Variants in CCDC158 observed in about 807,000 individuals in gnomAD.
CCDC158 encodes the protein coiled-coil domain containing 158.
A neutral mutation model predicts 138.6 loss-of-function variants in CCDC158; 116 were observed. The ratio of observed to expected loss-of-function variants is 0.84; its 90% CI spans 0.72 to 0.98. The LOEUF is 0.98. Ranked by LOEUF, CCDC158 falls within the 50% of genes least tolerant of loss-of-function variation. The pLI is 0.00. For synonymous variants in CCDC158, 436 were observed against 442.4 expected (o/e 0.99, Z 0.18); for missense variants, 1,265 against 1,306.1 (o/e 0.97, Z 0.48).
At chr4:76,361,868 C>T (rs1468284419) in intron 13 of CCDC158, among the ~76,000 whole-genome samples, 1 of 152,202 alleles carries the variant, frequency 6.6e-6, no homozygotes, top group African/African-American at 2.4e-5. Context: ...GGACACCTCA[C>T]ACTTCTCTTA....
chr4:76,322,195 T>C (rs1413159545), intron 24 of CCDC158, among the ~76,000 whole-genome samples: 1 of 152,088 alleles, frequency 6.6e-6, no homozygotes, highest in Admixed American at 6.5e-5. Flanking sequence ...TAAAACCAAA[T>C]GCTTTTCCTA....
At chr4:76,318,969 A>T (rs548055097) in intron 24 of CCDC158, among the ~76,000 whole-genome samples, 1 of 152,192 alleles carries the variant, frequency 6.6e-6, no homozygotes, top group East Asian at 1.9e-4. Context: ...CACTACTAAG[A>T]ATACAAAAAT....
intron 18 of CCDC158, among the ~76,000 whole-genome samples, chr4:76,334,625 C>T (rs1419057365): frequency 5.9e-5 from 9 of 152,150 alleles, no homozygotes; most frequent in Non-Finnish European, 1.2e-4. Flanking sequence ...AGGAAAGAAA[C>T]ATCCAATATT....
chr4:76,379,349 A>T lies in CCDC158; in HGVS notation c.970T>A (p.Ser324Thr). The change falls in exon 9 of 25, where the codon TCT becomes ACT. Residue 324 changes from serine (S) to threonine (T), a missense_variant. Physicochemically the swap from Ser to Thr is moderately conservative, Grantham distance 58. Transcript: ENST00000682701. ...TCAGAACGTAGCTGAGAAACAGTAG[A>T]TTCCAGATCGCTGAGCTGACGCATA... ...MYMRQLSDLE[S>T]TVSQLRSELR... 1 of 1,610,912 alleles carries T rather than the reference A, an allele frequency of 6.2e-7. No individual in the cohort carries two copies. Among genetic ancestry groups the T allele is most frequent in the Non-Finnish European group, 8.5e-7 (1 of 1,179,018 alleles).
Position 76,384,604 on chromosome 4 carries a change from G to T in CCDC158, c.350C>A (p.Thr117Lys), listed in dbSNP as rs771745470. Residue 117 changes from threonine to lysine, a missense_variant, in exon 5 of 25, where the codon ACA (threonine) becomes AAA (lysine). Physicochemically the swap from Thr to Lys is moderately conservative, Grantham distance 78 (BLOSUM62 -1). Transcript: ENST00000682701. ...YLRQSVIDLQ[T>K]KLQEMQMERD... ...CTCCATTTGCATCTCCTGAAGTTTTGTTTGCAAATCAATGACTGACTGCCT... is the reference window on the plus strand; with the variant it reads ...CTCCATTTGCATCTCCTGAAGTTTTTTTTGCAAATCAATGACTGACTGCCT... 6.2e-7 allele frequency: 1 copy of T among 1,613,234 alleles called. No individual in the cohort carries two copies. The highest frequency in any genetic ancestry group is 1.1e-5 in the South Asian group (1 of 90,972).
intron 3 of CCDC158, among the ~76,000 whole-genome samples, chr4:76,399,568 T>C (rs1353005267): frequency 6.6e-6 from 1 of 152,140 alleles, no homozygotes; most frequent in African/African-American, 2.4e-5. Flanking sequence ...ACTGGAATAC[T>C]GGGAGCAAAA....
chr4:76,330,281 C>T (rs1386231668), intron 21 of CCDC158, among the ~76,000 whole-genome samples: 1 of 152,100 alleles, frequency 6.6e-6, no homozygotes, highest in Non-Finnish European at 1.5e-5. Flanking sequence ...ATGACTTTGA[C>T]AAGTTGCTAT....
chr4:76,325,965 TAGG>T lies in CCDC158; in HGVS notation c.3058_3060del (p.Pro1020del). On this transcript the variant is annotated inframe_deletion, in exon 23 of 25. Coordinates refer to ENST00000682701, the MANE Select transcript of CCDC158 (RefSeq NM_001394954.1). ...AGGAGTGAGTGCACTGGAGACTTCTTAGGAGAAGAATTGAATGAACGAGAAGCT... is the reference window on the plus strand; with the variant it reads ...AGGAGTGAGTGCACTGGAGACTTCTTAGAAGAATTGAATGAACGAGAAGCT... 2 of 1,613,486 alleles carry T rather than the reference TAGG, an allele frequency of 1.2e-6. No homozygotes were observed. The highest frequency in any genetic ancestry group is 1.7e-6 in the Non-Finnish European group (2 of 1,179,584).
intron 3 of CCDC158, chr4:76,401,971 A>T (rs377203626): frequency 1.3e-5 from 2 of 152,302 alleles, no homozygotes; most frequent in African/African-American, 4.8e-5. Context: ...AGAAGCAGAA[A>T]TGTTTATACA....
chr4:76,317,404 T>C (rs566403226), intron 24 of CCDC158, among the ~76,000 whole-genome samples: 2 of 152,118 alleles, frequency 1.3e-5, no homozygotes, highest in Non-Finnish European at 2.9e-5. Flanking sequence ...TATATAGTGA[T>C]AAAGGATCAG....
intron 2 of CCDC158, among the ~76,000 whole-genome samples, chr4:76,411,479 AT>A (rs1729293288): frequency 6.6e-6 from 1 of 152,198 alleles, no homozygotes; most frequent in African/African-American, 2.4e-5. Flanking sequence ...AAACTAACTC[AT>A]TTTCCCATAA....
At chr4:76,374,200 C>T (rs183274582) in intron 9 of CCDC158, among the ~76,000 whole-genome samples, 86 of 152,118 alleles carry the variant, frequency 5.7e-4, no homozygotes, top group African/African-American at 2.0e-3. Flanking sequence ...GGGGCATATA[C>T]AGGAAAAGAA....
intron 10 of CCDC158, among the ~76,000 whole-genome samples, chr4:76,370,016 G>T (rs1353761540): frequency 6.6e-6 from 1 of 152,198 alleles, no homozygotes; most frequent in Non-Finnish European, 1.5e-5. Context: ...AAAATGATAA[G>T]TAATGGAGAG....
At chr4:76,328,878 T>A (rs528883578) in intron 22 of CCDC158, 22 bp downstream of exon 22, 2 of 1,604,726 alleles carry the variant, frequency 1.2e-6, no homozygotes, top group African/African-American at 2.7e-5. Context: ...GGCCTATTTC[T>A]GTGCTTTCAT....
intron 9 of CCDC158, among the ~76,000 whole-genome samples, chr4:76,373,146 G>A (rs1381134036): frequency 6.6e-6 from 1 of 152,192 alleles, no homozygotes; most frequent in South Asian, 2.1e-4. Context: ...ACCGCGCCCG[G>A]CCTCTATAGT....
In CCDC158 at chr4:76,323,404, G is replaced by A. The variant is rs201335763; in HGVS notation, c.3175C>T (p.Gln1059Ter). Residue 1059 changes from glutamine to a stop codon, truncating the protein, a stop_gained, in exon 24 of 25, where the codon CAG becomes TAG. Transcript: ENST00000682701. LOFTEE classifies it high-confidence loss of function. ...CCTGTTGTTTCTATTGGCGGAGACT[G>A]TGAATCTATTAGAAAATTGCTTAGA... ...IHSSDSVKDS[Q>*]SPPIETTGKT... 290 of 1,607,210 alleles carry A rather than the reference G, an allele frequency of 1.8e-4. 1 individual carries two copies. The highest frequency in any genetic ancestry group is 2.1e-4 in the Non-Finnish European group (244 of 1,176,726).
chr4:76,406,117 A>G (rs1456237476), intron 2 of CCDC158, among the ~76,000 whole-genome samples: 2 of 152,208 alleles, frequency 1.3e-5, no homozygotes, highest in South Asian at 4.1e-4. Flanking sequence ...ACACACGCAG[A>G]GATTCAAAAA....
chr4:76,344,604 C>A, intron 18 of CCDC158: 1 of 1,366,064 alleles, frequency 7.3e-7, no homozygotes, highest in Non-Finnish European at 1.0e-6. Context: ...GGTTGACATA[C>A]CTGATGTGCT....
At chr4:76,394,710 A>G (rs1202745195) in intron 4 of CCDC158, among the ~76,000 whole-genome samples, 1 of 152,146 alleles carries the variant, frequency 6.6e-6, no homozygotes, top group East Asian at 1.9e-4. Flanking sequence ...TTTTTTACAC[A>G]TTGCATGCCT....
Sources: allele counts gnomAD v4.1 joint callset (sites outside exome capture counted in the v4.1 genomes callset), GRCh38; gene constraint gnomAD v4.1.1; transcripts MANE v1.5; gene names NCBI Gene and HGNC (gene_info 2026-07-23, HGNC 2026-07-21).